Variants in BCAS3 observed in about 807,000 individuals in gnomAD.
The protein encoded by BCAS3 is BCAS3 microtubule associated cell migration factor.
A neutral mutation model predicts 116.1 loss-of-function variants in BCAS3; 53 were observed. The observed-to-expected ratio is 0.46, with a 90% CI of 0.37 to 0.57. The LOEUF (loss-of-function observed/expected upper bound fraction) is 0.57, where lower values mean the gene tolerates loss of function less well. Among genes scored for constraint, BCAS3 ranks in the 20% least tolerant of loss-of-function variants. The pLI, the probability that BCAS3 is intolerant of heterozygous loss-of-function variation, is 0.00. For synonymous variants in BCAS3, 391 were observed against 408.2 expected (o/e 0.96, Z 0.51); for missense variants, 917 against 1,165.4 (o/e 0.79, Z 3.10).
chr17:60,748,024 G>T (rs1033880121), intron 6 of BCAS3, among the ~76,000 whole-genome samples: 2 of 151,948 alleles, frequency 1.3e-5, no homozygotes, highest in African/African-American at 4.8e-5. Context: ...GCATGTTTTT[G>T]CATGTACAGT....
chr17:61,298,612 A>T (rs1226898783), intron 22 of BCAS3, among the ~76,000 whole-genome samples: 1 of 151,990 alleles, frequency 6.6e-6, no homozygotes, highest in African/African-American at 2.4e-5. Flanking sequence ...GATCCTCGGG[A>T]AGGCCCACTG....
At chr17:60,755,849 G>A (rs1032061277) in intron 6 of BCAS3, among the ~76,000 whole-genome samples, 1 of 152,012 alleles carries the variant, frequency 6.6e-6, no homozygotes, top group Non-Finnish European at 1.5e-5. Flanking sequence ...CGGTACTTGT[G>A]AATATTTCTT....
chr17:61,163,297 G>A (rs887562103), intron 22 of BCAS3, among the ~76,000 whole-genome samples: 4 of 134,416 alleles, frequency 3.0e-5, no homozygotes, highest in African/African-American at 1.0e-4. Flanking sequence ...GGTGGTGGGC[G>A]CCTGTAGTCC....
intron 15 of BCAS3, among the ~76,000 whole-genome samples, chr17:61,001,476 G>T (rs2064233827): frequency 6.6e-6 from 1 of 152,136 alleles, no homozygotes; most frequent in Admixed American, 6.6e-5. Context: ...GAGAATCAAT[G>T]ATAATGTGAT....
intron 15 of BCAS3, among the ~76,000 whole-genome samples, chr17:61,010,507 C>G (rs1172690668): frequency 4.6e-5 from 7 of 150,672 alleles, no homozygotes; most frequent in Non-Finnish European, 1.0e-4. Flanking sequence ...TTTTAAATTG[C>G]AAACTTTTAG....
At chr17:60,837,015 C>A (rs1197657322) in intron 7 of BCAS3, among the ~76,000 whole-genome samples, 1 of 152,140 alleles carries the variant, frequency 6.6e-6, no homozygotes, top group African/African-American at 2.4e-5. Context: ...ACTTAAAAGA[C>A]TGACAAACTT....
In BCAS3 at chr17:60,910,681, C is replaced by G. The variant is rs769865912; in HGVS notation, c.972C>G (p.Thr324=). 6.2e-7 allele frequency: 1 copy of G among 1,607,792 alleles called. No homozygotes were observed. Among genetic ancestry groups the G allele is most frequent in the South Asian group, 1.1e-5 (1 of 90,248 alleles). The change falls in exon 12 of 24, where the codon ACC becomes ACG. Residue 324 remains threonine (T), a synonymous_variant. Transcript: ENST00000407086. ...LVPGIITVID[T]ETVGEGQVLV... ...CAGGCATCATCACAGTTATTGACAC[C>G]GAAACCGTTGGAGAGGGCCAGGTAA...
In BCAS3 at chr17:61,087,930, C is replaced by G. The variant is rs1410821943; in HGVS notation, c.2425+3366C>G. Among the ~76,000 whole-genome samples the G allele has an allele frequency of 6.6e-6, 1 of 152,114 alleles. No homozygotes were observed. The highest frequency in any genetic ancestry group is 1.9e-4 in the East Asian group (1 of 5,190). Reference sequence around the variant, plus strand: ...GGGCGCAGTGGATCACAACTATAATCCTAGCACTTTGGGAGGCCGAAGCGG... The same window carrying G: ...GGGCGCAGTGGATCACAACTATAATGCTAGCACTTTGGGAGGCCGAAGCGG... On this transcript the variant is annotated intron_variant, in intron 22 of 23. Coordinates refer to ENST00000407086, the MANE Select transcript of BCAS3 (RefSeq NM_017679.5). This position sits in a 1 kb window ranked among gnomAD's most constrained non-coding sequence, Gnocchi z 4.6.
chr17:61,321,990 G>A (rs1422725808), intron 22 of BCAS3, among the ~76,000 whole-genome samples: 1 of 152,040 alleles, frequency 6.6e-6, no homozygotes, highest in African/African-American at 2.4e-5. Flanking sequence ...CTGGAGTGCA[G>A]TGGCACAATC....
In BCAS3 at chr17:60,910,438, T is replaced by C. The variant is rs985690568; in HGVS notation, c.823-94T>C. The C allele has an allele frequency of 3.9e-6, 4 of 1,023,242 alleles. No individual in the cohort carries two copies. In the South Asian group the frequency reaches 8.5e-5, roughly 22 times the overall value. The allele number at this position is 1,023,242 out of a possible 1,614,324, so 63.4% of individuals were successfully genotyped here. On this transcript the variant is annotated intron_variant, in intron 11 of 23. Coordinates refer to ENST00000407086, the MANE Select transcript of BCAS3 (RefSeq NM_017679.5). ...CTATAAAAGATTGTAAGAGAATAAATAACATAATGATTAGGAAAATTAATA... is the reference window on the plus strand; with the variant it reads ...CTATAAAAGATTGTAAGAGAATAAACAACATAATGATTAGGAAAATTAATA...
At position 61,224,531 on chromosome 17, in the gene BCAS3, G is replaced by A. The variant is rs1296997072; in HGVS notation, c.2425+139967G>A. Among the ~76,000 whole-genome samples the A allele has an allele frequency of 1.3e-5, 2 of 152,216 alleles. No individual in the cohort carries two copies. Among genetic ancestry groups the A allele is most frequent in the African/African-American group, 4.8e-5 (2 of 41,456 alleles). ...CAGTGTGGCAAGGACAGCAAAAGGA[G>A]ATCCAGTCTGAGAAATAAGACTATA... On this transcript the variant is annotated intron_variant, in intron 22 of 23. Transcript: ENST00000407086. This position sits in a 1 kb window ranked among gnomAD's most constrained non-coding sequence, Gnocchi z 5.7.
At chr17:61,341,688 C>T (rs1245590429) in intron 22 of BCAS3, among the ~76,000 whole-genome samples, 1 of 152,178 alleles carries the variant, frequency 6.6e-6, no homozygotes, top group African/African-American at 2.4e-5. Flanking sequence ...AACTGAAAAG[C>T]ACACCCAGTC....
intron 5 of BCAS3, among the ~76,000 whole-genome samples, chr17:60,743,383 T>C (rs1275836939): frequency 6.6e-6 from 1 of 152,068 alleles, no homozygotes; most frequent in Non-Finnish European, 1.5e-5. Flanking sequence ...ACCTTCTGAG[T>C]ATCCATAATA....
At chr17:60,783,444 G>A (rs2046001629) in intron 6 of BCAS3, among the ~76,000 whole-genome samples, 1 of 152,082 alleles carries the variant, frequency 6.6e-6, no homozygotes, top group East Asian at 1.9e-4. Flanking sequence ...GGCTCAGGCA[G>A]TCTGCCTGCC....
Position 61,141,710 on chromosome 17 carries a change from G to A in BCAS3, c.2425+57146G>A, listed in dbSNP as rs138899978. ...GAGGTCAAGAGATCAAGACCATCCC[G>A]GCCAACATGATGAAACCCCACCTCT... On this transcript the variant is annotated intron_variant, in intron 22 of 23. Transcript: ENST00000407086. This position sits in a 1 kb window ranked among gnomAD's most constrained non-coding sequence, Gnocchi z 4.3. Among the ~76,000 whole-genome samples, 107 of 152,118 alleles carry A rather than the reference G, an allele frequency of 7.0e-4. No homozygotes were observed. In the East Asian group the frequency reaches 9.5e-3, roughly 14 times the overall value.
chr17:61,312,743 G>T lies in BCAS3; in HGVS notation c.2426-55584G>T, dbSNP rs189643180. 3.3e-3 allele frequency among the ~76,000 whole-genome samples: 510 copies of T among 152,288 alleles called. 7 individuals carry two copies. The highest frequency in any genetic ancestry group is 0.012 in the African/African-American group (480 of 41,564). ...AGGCCAGGAAGCCATCGGTATTTCT[G>T]CAGGGCCTCCTACCACCATCGGGGA... On this transcript the variant is annotated intron_variant, in intron 22 of 23. Coordinates refer to ENST00000407086, the MANE Select transcript of BCAS3 (RefSeq NM_017679.5).
intron 6 of BCAS3, among the ~76,000 whole-genome samples, chr17:60,779,012 G>GTTAATATGGCATTAGTGTTC (rs2045554038): frequency 1.3e-5 from 2 of 152,088 alleles, no homozygotes; most frequent in Admixed American, 6.6e-5. Context: ...TACACTTTGG[G>GTTAATATGGCATTAGTGTTC]TTAATATGGC....
At chr17:61,202,479 CCCT>C (rs1389571096) in intron 22 of BCAS3, among the ~76,000 whole-genome samples, 1 of 151,868 alleles carries the variant, frequency 6.6e-6, no homozygotes, top group East Asian at 1.9e-4. Flanking sequence ...TTCCTTTTTC[CCCT>C]CCTCATTTTC....
At chr17:61,076,985 G>C (rs2072059983) in intron 20 of BCAS3, among the ~76,000 whole-genome samples, 1 of 152,146 alleles carries the variant, frequency 6.6e-6, no homozygotes, top group Non-Finnish European at 1.5e-5. Flanking sequence ...ACCACAATCA[G>C]AGAAATGTGA....
Sources: allele counts gnomAD v4.1 joint callset (sites outside exome capture counted in the v4.1 genomes callset), GRCh38; gene constraint gnomAD v4.1.1; non-coding constraint Gnocchi (gnomAD v3.1); transcripts MANE v1.5; gene names NCBI Gene and HGNC (gene_info 2026-07-23, HGNC 2026-07-21).